Variants in RTN1 observed in about 807,000 individuals in gnomAD.
The protein encoded by RTN1 is reticulon 1, also known as reticulon-1.
RTN1 carries 25 observed loss-of-function variants against 65.5 expected under a neutral mutation model. That is an observed-to-expected ratio of 0.38 (90% CI 0.28 to 0.53). RTN1 has a LOEUF of 0.53. RTN1 is among the 20% of genes least tolerant of loss of function. RTN1 has a pLI of 0.79. For missense variants in RTN1, 983 were observed against 1,025.4 expected (o/e 0.96, Z 0.57); for synonymous variants, 471 against 447.6 (o/e 1.05, Z -0.66).
chr14:59,789,361 T>C (rs184537155), intron 1 of RTN1, among the ~76,000 whole-genome samples: 1 of 152,264 alleles, frequency 6.6e-6, no homozygotes, highest in East Asian at 1.9e-4. Context: ...CAGTCCATCA[T>C]CCATTCCTAT....
chr14:59,779,761 G>A (rs1293938019), intron 1 of RTN1, among the ~76,000 whole-genome samples: 1 of 152,010 alleles, frequency 6.6e-6, no homozygotes, highest in Non-Finnish European at 1.5e-5. Flanking sequence ...CCTGGTCCTG[G>A]CCCAGCTCTC....
At chr14:59,650,350 G>A (rs139181749) in intron 3 of RTN1, among the ~76,000 whole-genome samples, 78 of 152,232 alleles carry the variant, frequency 5.1e-4, no homozygotes, top group Non-Finnish European at 9.3e-4. Flanking sequence ...AAACCACCAT[G>A]GCACATGTAT....
chr14:59,720,812 A>G (rs1307428211), intron 3 of RTN1, among the ~76,000 whole-genome samples: 2 of 152,022 alleles, frequency 1.3e-5, no homozygotes, highest in Non-Finnish European at 2.9e-5. Flanking sequence ...CAGGAGTCAC[A>G]CTTTATCCAG....
intron 1 of RTN1, among the ~76,000 whole-genome samples, chr14:59,866,744 T>TG (rs1452300144): frequency 6.6e-6 from 1 of 152,168 alleles, no homozygotes; most frequent in Admixed American, 6.5e-5. Flanking sequence ...TCAATAGAAC[T>TG]GTAGCTTTCT....
intron 1 of RTN1, among the ~76,000 whole-genome samples, chr14:59,763,739 G>T (rs1885796552): frequency 6.6e-6 from 1 of 151,976 alleles, no homozygotes; most frequent in African/African-American, 2.4e-5. Flanking sequence ...CACTGTGTTA[G>T]CCAGGAAGGT....
chr14:59,602,726 A>C (rs1287891970), intron 8 of RTN1, among the ~76,000 whole-genome samples: 1 of 152,142 alleles, frequency 6.6e-6, no homozygotes, highest in Non-Finnish European at 1.5e-5. Flanking sequence ...ATTTGAATTA[A>C]ACTGTTAATT....
Position 59,774,161 on chromosome 14 carries a change from T to A in RTN1, c.242-27680A>T, listed in dbSNP as rs991976864. On this transcript the variant is annotated intron_variant, in intron 1 of 8. Transcript: ENST00000267484. This position sits in a 1 kb window ranked among gnomAD's most constrained non-coding sequence, Gnocchi z 5.1. ...GAAAGAGATGCTTTAAGTAGCAGAATTAAAACACAGTGCAACTGCTGAGTT... is the reference window on the plus strand; with the variant it reads ...GAAAGAGATGCTTTAAGTAGCAGAAATAAAACACAGTGCAACTGCTGAGTT... 1.3e-5 allele frequency among the ~76,000 whole-genome samples: 2 copies of A among 152,126 alleles called. No individual in the cohort carries two copies. The highest frequency in any genetic ancestry group is 1.3e-4 in the Admixed American group (2 of 15,254).
intron 2 of RTN1, among the ~76,000 whole-genome samples, chr14:59,737,096 A>T (rs1885017150): frequency 6.6e-6 from 1 of 152,210 alleles, no homozygotes; most frequent in Non-Finnish European, 1.5e-5. Flanking sequence ...TCCTATTAAA[A>T]AGCAGCACAA....
rs1594758705 is a variant in RTN1 at position 59,829,252 on chromosome 14, G to A, written c.241+41138C>T. On this transcript the variant is annotated intron_variant, in intron 1 of 8. Coordinates refer to ENST00000267484, the MANE Select transcript of RTN1 (RefSeq NM_021136.3). This position sits in a 1 kb window ranked among gnomAD's most constrained non-coding sequence, Gnocchi z 4.3. ...TTAGGGAGCCTGTGATCTGGCAGAT[G>A]AGCAATAAAAATATACATGAGTATA... Among the ~76,000 whole-genome samples the A allele has an allele frequency of 1.3e-5, 2 of 152,308 alleles. No homozygotes were observed. The highest frequency in any genetic ancestry group is 1.9e-4 in the East Asian group (1 of 5,190).
rs1438995311 is a variant in RTN1, at chr14:59,746,595, GCCCTCGGAGTT to G, written c.242-125_242-115del. 4 of 883,978 alleles carry G rather than the reference GCCCTCGGAGTT, an allele frequency of 4.5e-6. No homozygotes were observed. The African/African-American group carries it at 5.0e-5, about 11-fold the overall frequency. 54.8% of individuals were successfully genotyped at this position (883,978 alleles called of 1,614,324 possible). ...AAGACATGACATCCTTTCTCCTTAA[GCCCTCGGAGTT>G]CCCTCGGAGCTCCCTCAGAGCACCA... On this transcript the variant is annotated intron_variant, in intron 1 of 8. Coordinates refer to ENST00000267484, the MANE Select transcript of RTN1 (RefSeq NM_021136.3).
chr14:59,596,650 G>GA lies in RTN1; in HGVS notation c.*94_*95insT. The GA allele has an allele frequency of 1.1e-6, 1 of 949,526 alleles. No homozygotes were observed. Among genetic ancestry groups the GA allele is most frequent in the Non-Finnish European group, 1.7e-6 (1 of 576,934 alleles). The allele number at this position is 949,526 out of a possible 1,614,324, so 58.8% of individuals were successfully genotyped here. The stretch of plus-strand genomic sequence containing the variant: ...CTAAGATTATGGTACTGGAGGGAGG[G>GA]GGGAAAGACAATCAATTTGCAGTAA... On this transcript the variant is annotated 3_prime_UTR_variant, in exon 9 of 9. Coordinates refer to ENST00000267484, the MANE Select transcript of RTN1 (RefSeq NM_021136.3).
chr14:59,860,327 G>A (rs868378542), intron 1 of RTN1, among the ~76,000 whole-genome samples: 9 of 152,322 alleles, frequency 5.9e-5, no homozygotes, highest in Middle Eastern at 6.8e-3. Context: ...CAGCTTCCAC[G>A]TGGTATTGAG....
intron 1 of RTN1, among the ~76,000 whole-genome samples, chr14:59,747,399 C>T (rs763520435): frequency 1.3e-4 from 20 of 152,164 alleles, no homozygotes; most frequent in South Asian, 4.1e-4. Flanking sequence ...CTCCTGAGGT[C>T]GGGAGTTCGT....
chr14:59,648,518 C>A (rs1882950619), intron 3 of RTN1, among the ~76,000 whole-genome samples: 2 of 152,152 alleles, frequency 1.3e-5, no homozygotes, highest in Non-Finnish European at 2.9e-5. Flanking sequence ...CCTTGATGAA[C>A]ACTGAGGCAA....
In RTN1 at chr14:59,759,376, C is replaced by A. The variant is rs547126615; in HGVS notation, c.242-12895G>T. Among the ~76,000 whole-genome samples, 460 of 152,278 alleles carry A rather than the reference C, an allele frequency of 3.0e-3. 3 individuals are homozygous for A. The highest frequency in any genetic ancestry group is 3.0e-3 in the Non-Finnish European group (205 of 68,016). ...TCCCCCATTTACAAGCTGTGTGACC[C>A]TGGACCGATTACCTAATATCTTTGT... is the stretch of plus-strand genomic sequence containing the variant. On this transcript the variant is annotated intron_variant, in intron 1 of 8. Transcript: ENST00000267484.
At chr14:59,656,319 C>T (rs1883122525) in intron 3 of RTN1, among the ~76,000 whole-genome samples, 1 of 152,082 alleles carries the variant, frequency 6.6e-6, no homozygotes, top group Admixed American at 6.6e-5. Flanking sequence ...ATGCTAAAAA[C>T]TACTGAACTT....
intron 2 of RTN1, among the ~76,000 whole-genome samples, chr14:59,743,543 T>C (rs933661441): frequency 7.2e-5 from 11 of 152,184 alleles, no homozygotes; most frequent in Admixed American, 2.6e-4. Context: ...GAAACTCGGA[T>C]ATGTTCTGAC....
chr14:59,624,734 T>C (rs539156875), intron 3 of RTN1, among the ~76,000 whole-genome samples: 7 of 152,326 alleles, frequency 4.6e-5, no homozygotes, highest in Non-Finnish European at 1.0e-4. Flanking sequence ...AGTGCTGGGA[T>C]TACAGGCGTG....
intron 3 of RTN1, among the ~76,000 whole-genome samples, chr14:59,621,121 T>C (rs1882242713): frequency 6.6e-6 from 1 of 152,246 alleles, no homozygotes; most frequent in Non-Finnish European, 1.5e-5. Flanking sequence ...TCAACTTGCG[T>C]AGGAAGCTTT....
Sources: allele counts gnomAD v4.1 joint callset (sites outside exome capture counted in the v4.1 genomes callset), GRCh38; gene constraint gnomAD v4.1.1; non-coding constraint Gnocchi (gnomAD v3.1); transcripts MANE v1.5; gene names NCBI Gene and HGNC (gene_info 2026-07-23, HGNC 2026-07-21).